The following TLK2 variants were observed in gnomAD, a reference collection of about 807,000 sequenced individuals.
The protein encoded by TLK2 is serine/threonine-protein kinase tousled-like 2.
Under a neutral mutation model 117.3 loss-of-function variants are expected in TLK2, and 6 were observed. The ratio of observed to expected loss-of-function variants is 0.05; its 90% CI spans 0.03 to 0.10. The LOEUF (loss-of-function observed/expected upper bound fraction) is 0.10, where lower values mean the gene tolerates loss of function less well. TLK2 is among the 10% of genes least tolerant of loss of function. TLK2 has a pLI of 1.00. For missense variants in TLK2, 299 were observed against 901.2 expected (o/e 0.33, Z 8.56); for synonymous variants, 257 against 316.7 (o/e 0.81, Z 2.00).
At chr17:62,475,162 C>T (rs1033259384), upstream of TLK2, among the ~76,000 whole-genome samples, 5 of 152,110 alleles carry the variant, frequency 3.3e-5, no homozygotes, top group Admixed American at 6.6e-5. Flanking sequence ...ATATCAAGCA[C>T]GGTTACAAGG....
chr17:62,589,112 TCTCCTC>T (rs942605501), intron 16 of TLK2, among the ~76,000 whole-genome samples: 1 of 152,174 alleles, frequency 6.6e-6, no homozygotes, highest in Admixed American at 6.5e-5. Flanking sequence ...ACTTCATTCC[TCTCCTC>T]CTCCTACCAT....
At chr17:62,515,960 T>C (rs2075548829) in intron 2 of TLK2, among the ~76,000 whole-genome samples, 1 of 152,168 alleles carries the variant, frequency 6.6e-6, no homozygotes, top group African/African-American at 2.4e-5. Context: ...ATGGAGTCTC[T>C]GTAGCCCAGG....
rs371212708 is a variant in TLK2, at chr17:62,502,029, A to ATTTTTTTTTTTTTTTTT, written c.82-18743_82-18727dup. 2.1e-3 allele frequency among the ~76,000 whole-genome samples: 289 copies of ATTTTTTTTTTTTTTTTT among 137,310 alleles called. 2 individuals are homozygous for ATTTTTTTTTTTTTTTTT. The highest frequency in any genetic ancestry group is 6.9e-3 in the African/African-American group (252 of 36,514). 90.1% of individuals were successfully genotyped at this position (137,310 alleles called of 152,430 possible). A position where few individuals can be genotyped will look rare whatever the true frequency, so the allele number is the denominator to read the frequency against. On this transcript the variant is annotated intron_variant, in intron 2 of 21. Coordinates refer to ENST00000346027, the MANE Select transcript of TLK2 (RefSeq NM_006852.6). Reference sequence around the variant, plus strand: ...TCAAACATTTAAGGAAAAAATACCAATTTTTTTTTTTTTTTTTACAAATTT... The same window carrying ATTTTTTTTTTTTTTTTT: ...TCAAACATTTAAGGAAAAAATACCAATTTTTTTTTTTTTTTTTTTTTTTTTTTTTTTTTTACAAATTT...
At chr17:62,576,868 T>A in intron 13 of TLK2, 93 bp downstream of exon 13, 1 of 869,530 alleles carries the variant, frequency 1.2e-6, no homozygotes, top group Non-Finnish European at 1.9e-6. Context: ...AATGTAATAG[T>A]AGCTGCACAT....
intron 6 of TLK2, 133 bp downstream of exon 6, chr17:62,524,464 C>G: frequency 7.7e-7 from 1 of 1,300,232 alleles, no homozygotes; most frequent in Non-Finnish European, 1.0e-6. Context: ...ATAGTTTTAC[C>G]TATGAATCCC....
At chr17:62,591,320 A>ACT (rs1471161482) in intron 16 of TLK2, among the ~76,000 whole-genome samples, 1 of 151,784 alleles carries the variant, frequency 6.6e-6, no homozygotes, top group Non-Finnish European at 1.5e-5. Flanking sequence ...TGCTCTTAGC[A>ACT]CTCTGTGTAA....
chr17:62,541,136 C>T (rs554986262), intron 7 of TLK2, among the ~76,000 whole-genome samples: 93 of 152,240 alleles, frequency 6.1e-4, no homozygotes, highest in African/African-American at 2.0e-3. Flanking sequence ...AGAGGCCTAC[C>T]CTGGCCACAC....
intron 19 of TLK2, among the ~76,000 whole-genome samples, chr17:62,602,744 C>T (rs1004301774): frequency 2.0e-5 from 3 of 152,216 alleles, no homozygotes; most frequent in South Asian, 2.1e-4. Context: ...CTTCACATCT[C>T]TTGTCACCTG....
At chr17:62,586,386 A>G (rs548046425) in intron 16 of TLK2, among the ~76,000 whole-genome samples, 160 bp downstream of exon 16, 4 of 152,198 alleles carry the variant, frequency 2.6e-5, no homozygotes, top group Non-Finnish European at 4.4e-5. Flanking sequence ...CGACGAGGAA[A>G]CTGATGCTTA....
intron 7 of TLK2, among the ~76,000 whole-genome samples, chr17:62,547,470 C>G (rs1175250422): frequency 2.0e-5 from 3 of 151,764 alleles, no homozygotes; most frequent in African/African-American, 7.3e-5. Context: ...ATTTTTTTCT[C>G]TAACGGATCT....
At chr17:62,601,904 T>A in intron 18 of TLK2, 138 bp from the exon 19 acceptor site, 1 of 706,012 alleles carries the variant, frequency 1.4e-6, no homozygotes, top group Non-Finnish European at 2.3e-6. Flanking sequence ...AGAGTCCAGA[T>A]TGCTTGATTC....
intron 2 of TLK2, among the ~76,000 whole-genome samples, chr17:62,514,729 C>A (rs2075431395): frequency 6.6e-6 from 1 of 151,958 alleles, no homozygotes; most frequent in Non-Finnish European, 1.5e-5. Flanking sequence ...CAAGCGCCCG[C>A]CACCACACCC....
At chr17:62,555,014 GTA>G (rs1280687155) in intron 9 of TLK2, among the ~76,000 whole-genome samples, 2 of 150,606 alleles carry the variant, frequency 1.3e-5, no homozygotes, top group South Asian at 4.2e-4. Context: ...ATATGTGTGT[GTA>G]TATATACACA....
intron 9 of TLK2, among the ~76,000 whole-genome samples, chr17:62,555,632 G>A (rs139105453): frequency 0.018 from 2,734 of 151,150 alleles, 71 homozygotes; most frequent in African/African-American, 0.062. Flanking sequence ...ACAGGCGCCC[G>A]CCACCACGCC....
chr17:62,492,609 C>T (rs1041598353), intron 2 of TLK2, among the ~76,000 whole-genome samples: 1 of 151,970 alleles, frequency 6.6e-6, no homozygotes, highest in Admixed American at 6.6e-5. Flanking sequence ...AGGGACCTGC[C>T]ACCTCGCCGG....
chr17:62,565,583 T>C (rs1206116450), intron 11 of TLK2, among the ~76,000 whole-genome samples: 5 of 133,526 alleles, frequency 3.7e-5, no homozygotes, highest in African/African-American at 1.5e-4. Flanking sequence ...ACCTGGGAGG[T>C]GGAGGTTGCA....
chr17:62,490,135 T>G (rs1476906166), intron 2 of TLK2, among the ~76,000 whole-genome samples: 1 of 152,266 alleles, frequency 6.6e-6, no homozygotes, highest in Non-Finnish European at 1.5e-5. Flanking sequence ...CAACCAGTTA[T>G]AGAATATTCT....
chr17:62,508,168 G>GTT (rs34268998), intron 2 of TLK2, among the ~76,000 whole-genome samples: 42,498 of 125,654 alleles, frequency 0.34, 8,258 homozygotes, highest in Admixed American at 0.39. Context: ...AAATTTCCTA[G>GTT]TTTTTTTTTT....
At chr17:62,489,096 G>C (rs2072811930) in intron 2 of TLK2, among the ~76,000 whole-genome samples, 1 of 151,874 alleles carries the variant, frequency 6.6e-6, no homozygotes, top group Admixed American at 6.6e-5. Flanking sequence ...ATGTTGCCCA[G>C]ACTGGTGACC....
Sources: allele counts gnomAD v4.1 joint callset (sites outside exome capture counted in the v4.1 genomes callset), GRCh38; gene constraint gnomAD v4.1.1; transcripts MANE v1.5; gene names NCBI Gene and HGNC (gene_info 2026-07-23, HGNC 2026-07-21).